The following SPATA6 variants were observed in gnomAD, a reference collection of about 807,000 sequenced individuals.
SPATA6 encodes the protein spermatogenesis-associated protein 6.
A neutral mutation model predicts 65.3 loss-of-function variants in SPATA6; 56 were observed. The observed-to-expected ratio is 0.86, with a 90% CI of 0.69 to 1.07. SPATA6 has a LOEUF of 1.07. Among genes scored for constraint, SPATA6 ranks in the 50% least tolerant of loss-of-function variants. SPATA6 has a pLI of 0.00. For missense variants in SPATA6, 590 were observed against 594.8 expected, an observed-to-expected ratio of 0.99 and a Z score of 0.08; for synonymous variants, 199 against 213.2, an observed-to-expected ratio of 0.93 and a Z score of 0.58.
At chr1:48,264,221 T>C in the SPATA6 span, among the ~76,000 whole-genome samples, 1 of 152,186 alleles carries the variant, frequency 6.6e-6, no homozygotes, top group Non-Finnish European at 1.5e-5. Flanking sequence ...ACCCATTATT[T>C]GAGTACCCAA....
intron 11 of SPATA6, among the ~76,000 whole-genome samples, chr1:48,314,359 A>C (rs1201515325): frequency 3.9e-5 from 6 of 152,288 alleles, no homozygotes; most frequent in Middle Eastern, 3.4e-3. Flanking sequence ...CCACAGTGCA[A>C]TCAAACTAGA....
chr1:48,388,915 C>T (rs1008113448), intron 8 of SPATA6, among the ~76,000 whole-genome samples: 13 of 151,840 alleles, frequency 8.6e-5, no homozygotes, highest in South Asian at 4.1e-4. Context: ...GACAGAGTTT[C>T]GCTCTTCTTG....
At chr1:48,288,241 G>T in the SPATA6 span, among the ~76,000 whole-genome samples, 2 of 152,188 alleles carry the variant, frequency 1.3e-5, no homozygotes, top group African/African-American at 4.8e-5. Flanking sequence ...GTTAATCAGA[G>T]ATATTGGCTG....
chr1:48,336,566 G>C (rs1209949162), intron 11 of SPATA6, among the ~76,000 whole-genome samples: 1 of 151,898 alleles, frequency 6.6e-6, no homozygotes, highest in African/African-American at 2.4e-5. Flanking sequence ...ACCTATAAGT[G>C]AGAGCTAAAT....
intron 11 of SPATA6, among the ~76,000 whole-genome samples, chr1:48,315,198 G>A (rs574607453): frequency 4.6e-5 from 7 of 152,058 alleles, no homozygotes; most frequent in Non-Finnish European, 1.0e-4. Flanking sequence ...TTTATGAGGC[G>A]AGCATCATCC....
intron 11 of SPATA6, among the ~76,000 whole-genome samples, chr1:48,333,065 T>C (rs1439281427): frequency 6.6e-6 from 1 of 152,142 alleles, no homozygotes; most frequent in Non-Finnish European, 1.5e-5. Flanking sequence ...TGTCTGGGTG[T>C]ATCTGGCTGT....
chr1:48,388,337 A>T (rs568735252), intron 8 of SPATA6, among the ~76,000 whole-genome samples: 4 of 152,284 alleles, frequency 2.6e-5, no homozygotes, highest in African/African-American at 9.6e-5. Flanking sequence ...CTGCAGGAAA[A>T]AGTCCCCCCA....
chr1:48,469,889 A>C (rs143797718), intron 1 of SPATA6, among the ~76,000 whole-genome samples: 1 of 152,092 alleles, frequency 6.6e-6, no homozygotes, highest in Non-Finnish European at 1.5e-5. Flanking sequence ...TTGTTCAAAA[A>C]TTCGGGAACA....
intron 8 of SPATA6, among the ~76,000 whole-genome samples, chr1:48,388,370 T>C (rs970090361): frequency 6.6e-6 from 1 of 151,908 alleles, no homozygotes; most frequent in Non-Finnish European, 1.5e-5. Context: ...ATTCAAAAAA[T>C]TGGAACAAAC....
At chr1:48,284,180 T>A in the SPATA6 span, among the ~76,000 whole-genome samples, 2 of 152,180 alleles carry the variant, frequency 1.3e-5, no homozygotes, top group African/African-American at 4.8e-5. Context: ...ATTAAGTTGA[T>A]CTTCAATCCC....
chr1:48,279,128 T>G, the SPATA6 span, among the ~76,000 whole-genome samples: 1 of 152,110 alleles, frequency 6.6e-6, no homozygotes, highest in African/African-American at 2.4e-5. Flanking sequence ...GACAAGCAAA[T>G]GCTGAGAGAT....
intron 1 of SPATA6, among the ~76,000 whole-genome samples, chr1:48,459,295 G>A (rs1346407781): frequency 1.3e-5 from 2 of 151,506 alleles, no homozygotes; most frequent in Non-Finnish European, 2.9e-5. Context: ...TGAAATGAGG[G>A]AAAAGATCTA....
the SPATA6 span, among the ~76,000 whole-genome samples, chr1:48,272,986 G>A: frequency 1.3e-5 from 2 of 152,108 alleles, no homozygotes; most frequent in African/African-American, 2.4e-5. Context: ...GTATTAAGGT[G>A]TATGAGTCCC....
intron 8 of SPATA6, among the ~76,000 whole-genome samples, chr1:48,386,431 T>G (rs1046291430): frequency 6.6e-6 from 1 of 152,206 alleles, no homozygotes; most frequent in Non-Finnish European, 1.5e-5. Flanking sequence ...GATAGTTGAC[T>G]AGGGGCATTT....
intron 3 of SPATA6, among the ~76,000 whole-genome samples, chr1:48,439,458 T>C (rs1375978827): frequency 2.0e-5 from 3 of 151,838 alleles, no homozygotes; most frequent in Non-Finnish European, 4.4e-5. Flanking sequence ...CCAGGGACCA[T>C]TGCAGGTTCT....
At chr1:48,277,440 A>ATG in the SPATA6 span, among the ~76,000 whole-genome samples, 1 of 152,196 alleles carries the variant, frequency 6.6e-6, no homozygotes, top group Non-Finnish European at 1.5e-5. Context: ...GAAAGGGGTG[A>ATG]CAGATGGCAC....
intron 11 of SPATA6, among the ~76,000 whole-genome samples, chr1:48,327,540 G>A (rs1645798671): frequency 6.6e-6 from 1 of 152,100 alleles, no homozygotes; most frequent in African/African-American, 2.4e-5. Context: ...AAAGGCATCT[G>A]TATTCATATA....
At chr1:48,321,309 A>T (rs1335640741) in intron 11 of SPATA6, among the ~76,000 whole-genome samples, 4 of 152,216 alleles carry the variant, frequency 2.6e-5, no homozygotes, top group Admixed American at 2.6e-4. Flanking sequence ...AAGGACACAC[A>T]CAGACTGAAA....
chr1:48,372,404 C>T (rs182685728), intron 9 of SPATA6, among the ~76,000 whole-genome samples: 341 of 152,332 alleles, frequency 2.2e-3, no homozygotes, highest in Non-Finnish European at 3.3e-3. Flanking sequence ...CCATATCTCA[C>T]ATCCAGCTCA....
Sources: allele counts gnomAD v4.1 joint callset (sites outside exome capture counted in the v4.1 genomes callset), GRCh38; gene constraint gnomAD v4.1.1; transcripts MANE v1.5; gene names NCBI Gene and HGNC (gene_info 2026-07-23, HGNC 2026-07-21).